The following SLC26A7 variants were observed in gnomAD, a reference collection of about 807,000 sequenced individuals.
SLC26A7 encodes anion exchange transporter.
Under a neutral mutation model 82.5 loss-of-function variants are expected in SLC26A7, and 59 were observed. The observed-to-expected ratio is 0.72, with a 90% CI of 0.58 to 0.89. The LOEUF is 0.89. Ranked by LOEUF, SLC26A7 falls within the 40% of genes least tolerant of loss-of-function variation. SLC26A7 has a pLI of 0.00. For missense variants in SLC26A7, 820 were observed against 793.0 expected (o/e 1.03, Z -0.41); for synonymous variants, 271 against 274.3 (o/e 0.99, Z 0.12).
intron 2 of SLC26A7, among the ~76,000 whole-genome samples, chr8:91,259,767 G>T (rs10102839): frequency 0.1 from 15,671 of 152,050 alleles, 921 homozygotes; most frequent in Middle Eastern, 0.2. Context: ...TCAGGAATGG[G>T]TTTAGTTCAG....
intron 2 of SLC26A7, among the ~76,000 whole-genome samples, chr8:91,257,665 T>G (rs917971152): frequency 1.3e-5 from 2 of 152,164 alleles, no homozygotes; most frequent in African/African-American, 2.4e-5. Context: ...TCTTTGTGCT[T>G]GACTGTCTTT....
intron 2 of SLC26A7, among the ~76,000 whole-genome samples, chr8:91,255,129 T>G (rs1255158682): frequency 6.6e-6 from 1 of 152,054 alleles, no homozygotes; most frequent in Non-Finnish European, 1.5e-5. Flanking sequence ...CCTAATGCAC[T>G]GGGGTGGAAT....
intron 11 of SLC26A7, among the ~76,000 whole-genome samples, chr8:91,360,068 G>A (rs1814007350): frequency 6.6e-6 from 1 of 152,076 alleles, no homozygotes; most frequent in African/African-American, 2.4e-5. Context: ...GAAAATAGGG[G>A]TCCAAATGGA....
intron 11 of SLC26A7, among the ~76,000 whole-genome samples, chr8:91,354,234 C>T (rs1813800758): frequency 6.6e-6 from 1 of 152,018 alleles, no homozygotes; most frequent in South Asian, 2.1e-4. Context: ...ATATAGGAGG[C>T]AGCATGTTAC....
chr8:91,372,200 G>C (rs967290547), intron 15 of SLC26A7, among the ~76,000 whole-genome samples: 1 of 151,800 alleles, frequency 6.6e-6, no homozygotes, highest in Admixed American at 6.6e-5. Context: ...TTAATCTGTT[G>C]GTTGTTTCTT....
At chr8:91,375,287 C>T (rs183564109) in intron 15 of SLC26A7, among the ~76,000 whole-genome samples, 34 of 152,082 alleles carry the variant, frequency 2.2e-4, no homozygotes, top group Admixed American at 2.1e-3. Flanking sequence ...AGTGTTGTTA[C>T]CTAGTTGCTT....
Position 91,372,989 on chromosome 8 carries a change from G to A in SLC26A7, c.1675+3156G>A, listed in dbSNP as rs142519057. On this transcript the variant is annotated intron_variant, in intron 15 of 18. Coordinates refer to ENST00000276609, the MANE Select transcript of SLC26A7 (RefSeq NM_052832.4). Reference sequence around the variant, plus strand: ...GGTATTTTATTTTTTTGTGGCAGTTGTAAATAGGATTGAGTTCTTGATTTG... The same window carrying A: ...GGTATTTTATTTTTTTGTGGCAGTTATAAATAGGATTGAGTTCTTGATTTG... Among the ~76,000 whole-genome samples, 191 of 151,842 alleles carry A rather than the reference G, an allele frequency of 1.3e-3. 1 individual carries two copies. Among genetic ancestry groups the A allele is most frequent in the African/African-American group, 4.5e-3 (186 of 41,494 alleles).
chr8:91,217,266 C>T (rs1810067904), intron 1 of SLC26A7, among the ~76,000 whole-genome samples: 1 of 152,114 alleles, frequency 6.6e-6, no homozygotes, highest in South Asian at 2.1e-4. Flanking sequence ...TAAAGAAACC[C>T]AACTCATATA....
Position 91,395,579 on chromosome 8 carries a change from A to C in SLC26A7, c.*482A>C, listed in dbSNP as rs1254116851. On this transcript the variant is annotated 3_prime_UTR_variant, in exon 19 of 19. Coordinates refer to ENST00000276609, the MANE Select transcript of SLC26A7 (RefSeq NM_052832.4). ...TGTATAGGCCTCTGAAATATCAATA[A>C]GGCTAAATATTACTTTACACAGTAA... The C allele has an allele frequency of 6.5e-6, 1 of 153,002 alleles. No homozygotes were observed. Among genetic ancestry groups the C allele is most frequent in the Non-Finnish European group, 1.5e-5 (1 of 68,598 alleles). 9.5% of individuals were successfully genotyped at this position (153,002 alleles called of 1,614,324 possible). A position where few individuals can be genotyped will look rare whatever the true frequency, so the allele number is the denominator to read the frequency against.
chr8:91,253,258 A>G (rs1213249582), intron 2 of SLC26A7, among the ~76,000 whole-genome samples: 1 of 152,060 alleles, frequency 6.6e-6, no homozygotes, highest in African/African-American at 2.4e-5. Flanking sequence ...TCACTTTTAT[A>G]CTAGACTTCT....
intron 15 of SLC26A7, among the ~76,000 whole-genome samples, chr8:91,373,505 G>T (rs1437011949): frequency 1.3e-5 from 2 of 151,904 alleles, no homozygotes; most frequent in African/African-American, 4.8e-5. Context: ...TTTTAATTCT[G>T]TCTATGTGGT....
intron 2 of SLC26A7, among the ~76,000 whole-genome samples, chr8:91,252,220 C>T (rs1401047131): frequency 1.3e-5 from 2 of 151,856 alleles, no homozygotes; most frequent in African/African-American, 4.8e-5. Flanking sequence ...TGTTTCTTGA[C>T]CTACAAAGAT....
intron 5 of SLC26A7, among the ~76,000 whole-genome samples, chr8:91,331,463 C>T (rs1813079551): frequency 6.6e-6 from 1 of 152,046 alleles, no homozygotes; most frequent in Non-Finnish European, 1.5e-5. Flanking sequence ...AACAATGTTT[C>T]AGTGAATATC....
intron 2 of SLC26A7, among the ~76,000 whole-genome samples, chr8:91,225,754 T>G (rs1810229893): frequency 1.4e-5 from 2 of 145,910 alleles, no homozygotes; most frequent in Non-Finnish European, 3.0e-5. Flanking sequence ...CATCCATCTA[T>G]CTCAGGTGAC....
At position 91,238,880 on chromosome 8, in the gene SLC26A7, G is replaced by A. The variant is rs1316006474; in HGVS notation, c.-33-10739G>A. Reference sequence around the variant, plus strand: ...TTGGACGTATATATTTAATTAGATGGATATTTTATTTTAAATACCAGTTAG... The same window carrying A: ...TTGGACGTATATATTTAATTAGATGAATATTTTATTTTAAATACCAGTTAG... On this transcript the variant is annotated intron_variant, in intron 2 of 5. Coordinates refer to the SLC26A7 transcript ENST00000522862. 3.3e-5 allele frequency among the ~76,000 whole-genome samples: 5 copies of A among 152,034 alleles called. No homozygotes were observed. In the East Asian group the frequency reaches 9.6e-4, roughly 29 times the overall value.
chr8:91,384,114 C>G (rs949573412), intron 15 of SLC26A7, among the ~76,000 whole-genome samples: 4 of 152,156 alleles, frequency 2.6e-5, no homozygotes, highest in African/African-American at 9.7e-5. Flanking sequence ...TGTTATTTTA[C>G]AGTTCTAGAT....
intron 2 of SLC26A7, among the ~76,000 whole-genome samples, chr8:91,284,767 C>A (rs1323237950): frequency 2.6e-5 from 4 of 152,126 alleles, no homozygotes; most frequent in African/African-American, 7.2e-5. Flanking sequence ...ATTGGTGCTA[C>A]TTTTATGATT....
chr8:91,347,701 A>G (rs1413930208), intron 9 of SLC26A7, among the ~76,000 whole-genome samples: 11 of 152,160 alleles, frequency 7.2e-5, no homozygotes, highest in Admixed American at 3.9e-4. Context: ...GGATTGGAAC[A>G]ACAAGAGTTA....
intron 11 of SLC26A7, among the ~76,000 whole-genome samples, chr8:91,361,535 GT>G (rs1814049882): frequency 6.6e-6 from 1 of 152,138 alleles, no homozygotes; most frequent in Admixed American, 6.6e-5. Flanking sequence ...TTAGTTTACT[GT>G]TTGATAAATG....
Sources: allele counts gnomAD v4.1 joint callset (sites outside exome capture counted in the v4.1 genomes callset), GRCh38; gene constraint gnomAD v4.1.1; transcripts MANE v1.5; gene names NCBI Gene and HGNC (gene_info 2026-07-23, HGNC 2026-07-21).